CACNA2D1: variants seen among roughly 807,000 people sequenced by gnomAD.
CACNA2D1 encodes the protein calcium voltage-gated channel auxiliary subunit alpha2delta 1.
A neutral mutation model predicts 171.5 loss-of-function variants in CACNA2D1; 53 were observed. That is an observed-to-expected ratio of 0.31 (90% CI 0.25 to 0.39). The LOEUF is 0.39. CACNA2D1 is among the 10% of genes least tolerant of loss of function. CACNA2D1 has a pLI of 1.00. For missense variants in CACNA2D1, 903 were observed against 1,299.8 expected (o/e 0.69, Z 4.69); for synonymous variants, 442 against 443.1 (o/e 1.00, Z 0.03).
intron 5 of CACNA2D1, among the ~76,000 whole-genome samples, chr7:82,128,419 G>A (rs369040319): frequency 2.0e-5 from 3 of 152,110 alleles, no homozygotes; most frequent in African/African-American, 4.8e-5. Flanking sequence ...GTGGAGGAAC[G>A]TAGATAACTA....
chr7:82,288,076 G>A (rs896388427), intron 3 of CACNA2D1, among the ~76,000 whole-genome samples: 6 of 150,582 alleles, frequency 4.0e-5, no homozygotes, highest in South Asian at 2.1e-4. Flanking sequence ...TCCTGACCTC[G>A]TGATCTGCCC....
intron 5 of CACNA2D1, among the ~76,000 whole-genome samples, chr7:82,127,510 T>G (rs1029205676): frequency 3.3e-5 from 5 of 152,152 alleles, no homozygotes; most frequent in African/African-American, 1.2e-4. Flanking sequence ...AAACTAAATA[T>G]TATTTCTACC....
At chr7:82,295,312 A>G (rs1812121893) in intron 3 of CACNA2D1, among the ~76,000 whole-genome samples, 1 of 151,002 alleles carries the variant, frequency 6.6e-6, no homozygotes, top group Non-Finnish European at 1.5e-5. Flanking sequence ...TTTATTGTAT[A>G]CTTGAAAATG....
At chr7:82,414,308 G>A (rs1185905020) in intron 1 of CACNA2D1, among the ~76,000 whole-genome samples, 4 of 152,166 alleles carry the variant, frequency 2.6e-5, no homozygotes, top group Admixed American at 6.5e-5. Context: ...TGGTGCTAGA[G>A]AAGAGAGTGA....
chr7:82,012,992 T>G (rs1018607359), intron 14 of CACNA2D1, among the ~76,000 whole-genome samples: 7 of 152,076 alleles, frequency 4.6e-5, no homozygotes, highest in Admixed American at 2.0e-4. Flanking sequence ...ATCATCTCCT[T>G]GTTGTAACTT....
rs1042396091 is a variant in CACNA2D1 at position 81,950,291 on chromosome 7, T to C, written c.*101A>G. On this transcript the variant is annotated 3_prime_UTR_variant, in exon 39 of 39. Coordinates refer to ENST00000356860, the MANE Select transcript of CACNA2D1 (RefSeq NM_000722.4). ...CCATGGAACAGGCCCAGCTAATGTT[T>C]GTCTGATTTTATAGCTGACCCTACG... The C allele has an allele frequency of 6.2e-7, 1 of 1,607,984 alleles. No homozygotes were observed. Among genetic ancestry groups the C allele is most frequent in the African/African-American group, 1.3e-5 (1 of 74,740 alleles).
At chr7:82,226,988 A>G (rs1802432360) in intron 3 of CACNA2D1, among the ~76,000 whole-genome samples, 1 of 152,198 alleles carries the variant, frequency 6.6e-6, no homozygotes, top group Non-Finnish European at 1.5e-5. Context: ...CAATGATTTT[A>G]TATTACCTTG....
Position 81,993,403 on chromosome 7 carries a change from C to T in CACNA2D1, c.1734+1465G>A, listed in dbSNP as rs530842794. The stretch of plus-strand genomic sequence containing the variant: ...AAGGTTCTATAATTCCTACAACAAC[C>T]ACAAAAATGAACTTCAAAGTTAATA... On this transcript the variant is annotated intron_variant, in intron 20 of 38. Coordinates refer to ENST00000356860, the MANE Select transcript of CACNA2D1 (RefSeq NM_000722.4). Among the ~76,000 whole-genome samples, 8 of 152,150 alleles carry T rather than the reference C, an allele frequency of 5.3e-5. No homozygotes were observed. The South Asian group carries it at 1.7e-3, about 32-fold the overall frequency.
rs757116682 is a variant in CACNA2D1 at position 82,335,057 on chromosome 7, C to T, written c.294+78G>A. On this transcript the variant is annotated intron_variant, in intron 3 of 38. Transcript: ENST00000356860. ...CTAAGAAGAAGAACGCATACCAAAACCCCTCAATAGAGCATGAAAATTAAA... is the reference window on the plus strand; with the variant it reads ...CTAAGAAGAAGAACGCATACCAAAATCCCTCAATAGAGCATGAAAATTAAA... 4.2e-4 allele frequency: 390 copies of T among 930,666 alleles called. 1 individual carries two copies. The highest frequency in any genetic ancestry group is 1.8e-3 in the Middle Eastern group (8 of 4,552). The allele number at this position is 930,666 out of a possible 1,614,324, so 57.7% of individuals were successfully genotyped here. A position where few individuals can be genotyped will look rare whatever the true frequency, so the allele number is the denominator to read the frequency against.
chr7:82,350,975 A>G (rs1490122215), intron 1 of CACNA2D1, among the ~76,000 whole-genome samples: 1 of 152,162 alleles, frequency 6.6e-6, no homozygotes, highest in Admixed American at 6.5e-5. Context: ...GATATTACCA[A>G]ATAGAACCAC....
At chr7:82,102,961 T>C (rs1317127266) in intron 6 of CACNA2D1, among the ~76,000 whole-genome samples, 1 of 152,166 alleles carries the variant, frequency 6.6e-6, no homozygotes, top group Non-Finnish European at 1.5e-5. Context: ...AGACATAACC[T>C]ATATACTAGA....
chr7:81,979,727 A>C (rs924091456), intron 24 of CACNA2D1, among the ~76,000 whole-genome samples: 9 of 152,196 alleles, frequency 5.9e-5, no homozygotes, highest in Non-Finnish European at 1.0e-4. Flanking sequence ...AGTTGTTCTC[A>C]GTAATTCAAA....
chr7:82,093,309 C>T (rs1811454674), intron 6 of CACNA2D1, among the ~76,000 whole-genome samples: 1 of 152,116 alleles, frequency 6.6e-6, no homozygotes, highest in Non-Finnish European at 1.5e-5. Flanking sequence ...TTAGTAACTG[C>T]ACAATAAGTG....
At chr7:82,207,770 G>A (rs1800160097) in intron 3 of CACNA2D1, among the ~76,000 whole-genome samples, 1 of 152,102 alleles carries the variant, frequency 6.6e-6, no homozygotes, top group Non-Finnish European at 1.5e-5. Context: ...TGTTTAAGTG[G>A]AAGCAACAAC....
intron 3 of CACNA2D1, among the ~76,000 whole-genome samples, chr7:82,221,452 T>C (rs1322539079): frequency 6.6e-6 from 1 of 152,132 alleles, no homozygotes; most frequent in Non-Finnish European, 1.5e-5. Context: ...TGGCTTTAGA[T>C]TTCCAACCTC....
At chr7:82,335,987 A>G (rs948003190) in intron 2 of CACNA2D1, among the ~76,000 whole-genome samples, 2 of 152,092 alleles carry the variant, frequency 1.3e-5, no homozygotes, top group African/African-American at 4.8e-5. Context: ...GCCTGTACAC[A>G]CTCAGCAGGA....
chr7:81,968,507 C>CT (rs902578257), intron 29 of CACNA2D1, among the ~76,000 whole-genome samples: 1 of 151,222 alleles, frequency 6.6e-6, no homozygotes, highest in East Asian at 1.9e-4. Flanking sequence ...GGAAACTTAA[C>CT]TTTTTTGTAC....
intron 3 of CACNA2D1, among the ~76,000 whole-genome samples, chr7:82,230,914 C>T (rs1802860178): frequency 6.6e-6 from 1 of 152,164 alleles, no homozygotes; most frequent in African/African-American, 2.4e-5. Context: ...CTTATATAAG[C>T]TGCTTGAGGC....
chr7:82,167,531 C>T (rs1795579087), intron 4 of CACNA2D1, among the ~76,000 whole-genome samples: 1 of 152,030 alleles, frequency 6.6e-6, no homozygotes, highest in Admixed American at 6.6e-5. Context: ...AGGTTCTATT[C>T]TCCAAGCACA....
Sources: allele counts gnomAD v4.1 joint callset (sites outside exome capture counted in the v4.1 genomes callset), GRCh38; gene constraint gnomAD v4.1.1; transcripts MANE v1.5; gene names NCBI Gene and HGNC (gene_info 2026-07-23, HGNC 2026-07-21).